Variants in PSD3 observed in about 807,000 individuals in gnomAD.
The protein encoded by PSD3 is PH and SEC7 domain-containing protein 3.
A neutral mutation model predicts 105.5 loss-of-function variants in PSD3; 49 were observed. The ratio of observed to expected loss-of-function variants is 0.46; its 90% confidence interval spans 0.37 to 0.59. The LOEUF is 0.59. PSD3 is among the 20% of genes least tolerant of loss of function. The pLI, the probability that PSD3 is intolerant of heterozygous loss-of-function variation, is 0.00. For synonymous variants in PSD3, 557 were observed against 457.8 expected, an observed-to-expected ratio of 1.22 and a Z score of -2.77; for missense variants, 1,561 against 1,263.8, an observed-to-expected ratio of 1.24 and a Z score of -3.57.
chr8:18,561,178 A>G (rs1422743981), intron 14 of PSD3, among the ~76,000 whole-genome samples: 1 of 152,248 alleles, frequency 6.6e-6, no homozygotes, highest in African/African-American at 2.4e-5. Flanking sequence ...AAGAGGGAAC[A>G]GCTCTTGGCT....
At chr8:18,633,666 G>T (rs1394556573) in intron 10 of PSD3, among the ~76,000 whole-genome samples, 1 of 152,066 alleles carries the variant, frequency 6.6e-6, no homozygotes, top group South Asian at 2.1e-4. Flanking sequence ...CACCATTGAA[G>T]GGCATCTAGG....
intron 1 of PSD3, among the ~76,000 whole-genome samples, chr8:19,037,160 A>G (rs1219870836): frequency 6.6e-6 from 1 of 152,250 alleles, no homozygotes; most frequent in Non-Finnish European, 1.5e-5. Context: ...ATGATTGAAA[A>G]TGGCAATTTC....
At chr8:18,872,915 C>T (rs1192251933) in intron 2 of PSD3, among the ~76,000 whole-genome samples, 182 bp from the exon 3 acceptor site, 1 of 152,214 alleles carries the variant, frequency 6.6e-6, no homozygotes. Flanking sequence ...ATCCCTTCTA[C>T]TCAGCCTACG....
intron 4 of PSD3, among the ~76,000 whole-genome samples, chr8:18,860,822 T>C (rs925878602): frequency 6.6e-6 from 1 of 152,214 alleles, no homozygotes; most frequent in Non-Finnish European, 1.5e-5. Context: ...TCTCGATCAA[T>C]TAAAGTATTA....
At chr8:18,720,744 C>T (rs1297310891) in intron 9 of PSD3, among the ~76,000 whole-genome samples, 4 of 152,036 alleles carry the variant, frequency 2.6e-5, no homozygotes, top group Admixed American at 6.6e-5. Flanking sequence ...ACAGGAGCGC[C>T]GATGCATTTG....
intron 9 of PSD3, among the ~76,000 whole-genome samples, chr8:18,745,776 C>T (rs1478177286): frequency 6.6e-6 from 1 of 152,192 alleles, no homozygotes; most frequent in Non-Finnish European, 1.5e-5. Context: ...AACTCACCTA[C>T]GTTTCTGCAT....
At chr8:19,053,212 G>T (rs936382592) in intron 1 of PSD3, among the ~76,000 whole-genome samples, 4 of 152,086 alleles carry the variant, frequency 2.6e-5, no homozygotes, top group African/African-American at 9.7e-5. Flanking sequence ...GCGCACAGGG[G>T]ATGACTGGAG....
rs571398439 is a variant in PSD3 at position 18,775,999 on chromosome 8, A to T, written c.2083-10461T>A. On this transcript the variant is annotated intron_variant, in intron 8 of 15. Coordinates refer to ENST00000327040, the MANE Select transcript of PSD3 (RefSeq NM_015310.4). ...TTTAGTTCTTACATTTAACTCTTTA[A>T]TCCAAGTTGAGGTGATTTTTGTAAA... Among the ~76,000 whole-genome samples the T allele has an allele frequency of 4.6e-5, 7 of 152,146 alleles. No individual in the cohort carries two copies. The South Asian group carries it at 1.5e-3, about 32-fold the overall frequency.
At chr8:19,054,264 A>G (rs117297977) in intron 1 of PSD3, among the ~76,000 whole-genome samples, 1 of 152,276 alleles carries the variant, frequency 6.6e-6, no homozygotes, top group East Asian at 1.9e-4. Flanking sequence ...CACATTTTGG[A>G]CTGTACAGGA....
At chr8:18,938,346 G>A (rs748386742) in intron 1 of PSD3, among the ~76,000 whole-genome samples, 1 of 151,300 alleles carries the variant, frequency 6.6e-6, no homozygotes, top group Non-Finnish European at 1.5e-5. Flanking sequence ...AAGGGGCCAG[G>A]CACAGTGGCT....
chr8:18,530,547 G>A lies in PSD3; in HGVS notation c.*5196C>T, dbSNP rs751272392. 2.0e-5 allele frequency: 3 copies of A among 152,616 alleles called. No individual in the cohort carries two copies. Among genetic ancestry groups the A allele is most frequent in the Non-Finnish European group, 4.4e-5 (3 of 68,042 alleles). 9.5% of individuals were successfully genotyped at this position (152,616 alleles called of 1,614,324 possible). A position where few individuals can be genotyped will look rare whatever the true frequency, so the allele number is the denominator to read the frequency against. ...TGGTGGGTACTTAATTCTTCCGAAA[G>A]CTATATTTTTTATGGACTAATTACA... On this transcript the variant is annotated 3_prime_UTR_variant, in exon 16 of 16. Coordinates refer to ENST00000327040, the MANE Select transcript of PSD3 (RefSeq NM_015310.4).
chr8:18,873,748 C>A (rs6985370), intron 2 of PSD3, among the ~76,000 whole-genome samples: 19,274 of 152,112 alleles, frequency 0.13, 1,246 homozygotes, highest in South Asian at 0.19. Context: ...CCCACCAGTC[C>A]CTGGTAACCA....
chr8:18,541,291 C>A (rs569758916), intron 15 of PSD3, among the ~76,000 whole-genome samples: 3 of 151,488 alleles, frequency 2.0e-5, no homozygotes, highest in Non-Finnish European at 2.9e-5. Flanking sequence ...AAGGAATAAG[C>A]GCCACTGAGT....
chr8:18,883,011 C>T (rs530338283), intron 2 of PSD3, among the ~76,000 whole-genome samples: 3 of 152,188 alleles, frequency 2.0e-5, no homozygotes, highest in African/African-American at 7.2e-5. Flanking sequence ...GCCCTAGAGC[C>T]TTTCTACTCA....
chr8:18,581,440 C>A (rs917971315), intron 12 of PSD3, among the ~76,000 whole-genome samples: 15 of 152,094 alleles, frequency 9.9e-5, no homozygotes, highest in Non-Finnish European at 1.9e-4. Flanking sequence ...AGCTATAAAA[C>A]AGACAGAAAC....
chr8:18,562,956 A>T (rs1444599814), intron 14 of PSD3, among the ~76,000 whole-genome samples: 5 of 151,852 alleles, frequency 3.3e-5, no homozygotes, highest in Non-Finnish European at 7.4e-5. Context: ...AAACAAAACC[A>T]AACCTATGTT....
At chr8:18,852,040 GA>G (rs1439744925) in intron 4 of PSD3, among the ~76,000 whole-genome samples, 1 of 152,028 alleles carries the variant, frequency 6.6e-6, no homozygotes, top group Admixed American at 6.6e-5. Flanking sequence ...AAGAGCTTTA[GA>G]AACACTGAAT....
intron 9 of PSD3, among the ~76,000 whole-genome samples, chr8:18,749,380 C>T (rs1230491724): frequency 6.6e-6 from 1 of 152,186 alleles, no homozygotes; most frequent in Non-Finnish European, 1.5e-5. Context: ...CCAGATGCTG[C>T]CCAGTTGAAA....
chr8:18,943,351 T>A lies in PSD3; in HGVS notation c.22-7209A>T, dbSNP rs149408118. Reference sequence around the variant, plus strand: ...TCTGGGTAAGATGGCAAAATAAATATACACATTTGCATTTGCCCTCATCCA... The same window carrying A: ...TCTGGGTAAGATGGCAAAATAAATAAACACATTTGCATTTGCCCTCATCCA... On this transcript the variant is annotated intron_variant, in intron 1 of 15. Transcript: ENST00000327040. 4.2e-3 allele frequency among the ~76,000 whole-genome samples: 634 copies of A among 152,318 alleles called. 3 individuals are homozygous for A. Among genetic ancestry groups the A allele is most frequent in the Non-Finnish European group, 6.5e-3 (445 of 68,032 alleles).
Sources: allele counts gnomAD v4.1 joint callset (sites outside exome capture counted in the v4.1 genomes callset), GRCh38; gene constraint gnomAD v4.1.1; transcripts MANE v1.5; gene names NCBI Gene and HGNC (gene_info 2026-07-23, HGNC 2026-07-21).